Variants in FHIT observed in about 807,000 individuals in gnomAD.
FHIT encodes bis(5'-adenosyl)-triphosphatase.
In FHIT, 19 loss-of-function variants were observed where a neutral mutation model predicts 17.9. That is an observed-to-expected ratio of 1.06 (90% CI 0.74 to 1.56). The LOEUF (loss-of-function observed/expected upper bound fraction) is 1.56. Ranked by LOEUF, FHIT falls within the 40% of genes most tolerant of loss-of-function variation. The pLI, the probability that FHIT is intolerant of heterozygous loss-of-function variation, is 0.00. For missense variants in FHIT, 248 were observed against 189.2 expected (o/e 1.31, Z -1.82); for synonymous variants, 81 against 69.7 (o/e 1.16, Z -0.81).
At chr3:60,211,020 T>C (rs1425466200) in intron 5 of FHIT, among the ~76,000 whole-genome samples, 1 of 118,194 alleles carries the variant, frequency 8.5e-6, no homozygotes, top group Admixed American at 9.9e-5. Flanking sequence ...GGGGATGGAG[T>C]GAGAAAAAAA....
intron 7 of FHIT, among the ~76,000 whole-genome samples, chr3:59,933,059 T>C (rs1348178509): frequency 1.3e-5 from 2 of 152,156 alleles, no homozygotes; most frequent in Non-Finnish European, 2.9e-5. Context: ...CAGGCTTCTT[T>C]TCTCCTGTAG....
chr3:60,043,800 CA>C (rs1280312381), intron 5 of FHIT, among the ~76,000 whole-genome samples: 2 of 152,106 alleles, frequency 1.3e-5, no homozygotes, highest in Non-Finnish European at 2.9e-5. Context: ...ACATATTAAG[CA>C]AAAAAGTCCG....
In FHIT at chr3:59,883,230, A is replaced by G. The variant is rs1038124536; in HGVS notation, c.348+39116T>C. The stretch of plus-strand genomic sequence containing the variant: ...AATATTAAAAACTCTGTAATTCCTC[A>G]TAATGTCACTACATTTTACTATTGT... On this transcript the variant is annotated intron_variant, in intron 8 of 9. Transcript: ENST00000492590. 2.6e-5 allele frequency among the ~76,000 whole-genome samples: 4 copies of G among 152,240 alleles called. No homozygotes were observed. In the East Asian group the frequency reaches 7.7e-4, roughly 29 times the overall value.
chr3:60,630,500 A>G (rs1227783556), intron 4 of FHIT, among the ~76,000 whole-genome samples: 1 of 152,228 alleles, frequency 6.6e-6, no homozygotes, highest in Non-Finnish European at 1.5e-5. Flanking sequence ...AAGCTCTGGA[A>G]AATTCCTGGA....
chr3:60,775,183 T>C (rs1700178413), intron 4 of FHIT, among the ~76,000 whole-genome samples: 3 of 152,186 alleles, frequency 2.0e-5, no homozygotes, highest in Non-Finnish European at 4.4e-5. Flanking sequence ...AATGTTTAAA[T>C]GCCCCTGATA....
At position 61,131,736 on chromosome 3, in the gene FHIT, G is replaced by T. The variant is rs192191182; in HGVS notation, c.-164+68881C>A. On this transcript the variant is annotated intron_variant, in intron 2 of 9. Transcript: ENST00000492590. ...CTGACAATTCTGAAACTCAAAAAAG[G>T]TTTCGTTGTTTATTGGGTATAAGCC... Among the ~76,000 whole-genome samples the T allele has an allele frequency of 3.7e-4, 57 of 152,302 alleles. No individual in the cohort carries two copies. The Middle Eastern group carries it at 0.01, about 27-fold the overall frequency.
intron 8 of FHIT, among the ~76,000 whole-genome samples, chr3:59,881,976 G>A (rs1703428979): frequency 6.6e-6 from 1 of 152,042 alleles, no homozygotes; most frequent in South Asian, 2.1e-4. Context: ...TTACCATGAG[G>A]TGCTTTGGAA....
chr3:60,501,176 G>A (rs2034510900), intron 5 of FHIT, among the ~76,000 whole-genome samples: 1 of 152,146 alleles, frequency 6.6e-6, no homozygotes, highest in East Asian at 1.9e-4. Flanking sequence ...AAAATAGGCT[G>A]AGAAACCATT....
At chr3:59,814,045 T>TACACATACACACACACAC (rs1553685376) in intron 8 of FHIT, among the ~76,000 whole-genome samples, 1 of 146,772 alleles carries the variant, frequency 6.8e-6, no homozygotes, top group Non-Finnish European at 1.5e-5. Context: ...AATTTACACA[T>TACACATACACACACACAC]ACACACACAC....
At chr3:60,307,426 A>G (rs1043411496) in intron 5 of FHIT, among the ~76,000 whole-genome samples, 2 of 152,184 alleles carry the variant, frequency 1.3e-5, no homozygotes, top group African/African-American at 4.8e-5. Flanking sequence ...TGAACTTTTA[A>G]AATCCATTCT....
intron 5 of FHIT, among the ~76,000 whole-genome samples, chr3:60,112,351 T>C (rs548176892): frequency 5.3e-5 from 8 of 152,166 alleles, no homozygotes; most frequent in Admixed American, 2.0e-4. Context: ...CCATTACAAC[T>C]GACTCTACTA....
chr3:59,751,186 A>C (rs893117749), intron 9 of FHIT: 1 of 179,390 alleles, frequency 5.6e-6, no homozygotes, highest in Non-Finnish European at 1.2e-5. Flanking sequence ...CCAGTATTGC[A>C]TGGTAACCCT....
chr3:59,920,761 C>A (rs964859602), intron 8 of FHIT, among the ~76,000 whole-genome samples: 1 of 152,142 alleles, frequency 6.6e-6, no homozygotes, highest in African/African-American at 2.4e-5. Context: ...TTAATTACAT[C>A]TCTTTATAAT....
intron 5 of FHIT, among the ~76,000 whole-genome samples, chr3:60,310,892 C>A (rs1227810824): frequency 2.0e-5 from 3 of 152,084 alleles, no homozygotes; most frequent in Non-Finnish European, 2.9e-5. Flanking sequence ...TTCTTGCTTG[C>A]TTTCTCTCTG....
intron 1 of FHIT, among the ~76,000 whole-genome samples, chr3:61,214,063 C>T (rs1477475674): frequency 6.6e-6 from 1 of 152,094 alleles, no homozygotes; most frequent in East Asian, 1.9e-4. Flanking sequence ...AGGAAAGATC[C>T]AAAATTGACA....
At chr3:60,014,213 T>C in intron 5 of FHIT, 61 bp from the exon 6 acceptor site, 1 of 1,560,640 alleles carries the variant, frequency 6.4e-7, no homozygotes, top group South Asian at 1.1e-5. Context: ...TACCAAGCAG[T>C]TCATACCCAC....
At chr3:60,467,396 C>G (rs1246565136) in intron 5 of FHIT, among the ~76,000 whole-genome samples, 2 of 151,544 alleles carry the variant, frequency 1.3e-5, no homozygotes, top group Non-Finnish European at 2.9e-5. Flanking sequence ...CTGGTTTTCA[C>G]TTGCTTTTCT....
intron 2 of FHIT, among the ~76,000 whole-genome samples, chr3:61,177,778 CAG>C (rs1455394327): frequency 1.3e-5 from 2 of 152,146 alleles, no homozygotes; most frequent in Non-Finnish European, 2.9e-5. Context: ...TATTAGAAAA[CAG>C]ATCAGCAGCC....
intron 5 of FHIT, among the ~76,000 whole-genome samples, chr3:60,031,617 C>G (rs796466297): frequency 6.6e-6 from 1 of 152,108 alleles, no homozygotes; most frequent in Non-Finnish European, 1.5e-5. Context: ...CCAAACAGCA[C>G]CAATGATGGA....
Sources: allele counts gnomAD v4.1 joint callset (sites outside exome capture counted in the v4.1 genomes callset), GRCh38; gene constraint gnomAD v4.1.1; transcripts MANE v1.5; gene names NCBI Gene and HGNC (gene_info 2026-07-23, HGNC 2026-07-21).